The following SLC66A1 variants were observed in gnomAD, a reference collection of about 807,000 sequenced individuals.
SLC66A1 encodes solute carrier family 66 member 1.
Under a neutral mutation model 33.0 loss-of-function variants are expected in SLC66A1, and 23 were observed. The ratio of observed to expected loss-of-function variants is 0.70; its 90% CI spans 0.50 to 0.99. The LOEUF (loss-of-function observed/expected upper bound fraction) is 0.99. Among genes scored for constraint, SLC66A1 ranks in the 50% least tolerant of loss-of-function variants. The pLI, the probability that SLC66A1 is intolerant of heterozygous loss-of-function variation, is 0.00. For missense variants in SLC66A1, 335 were observed against 383.6 expected (o/e 0.87, Z 1.06); for synonymous variants, 164 against 175.5 (o/e 0.93, Z 0.52).
At chr1:19,317,461 G>C in intron 1 of SLC66A1, 139 bp from the exon 2 acceptor site, 1 of 1,134,582 alleles carries the variant, frequency 8.8e-7, no homozygotes, top group Non-Finnish European at 1.2e-6. Flanking sequence ...GGTCCTGGTG[G>C]GTGAAGATTA....
At position 19,321,036 on chromosome 1, in the gene SLC66A1, T is replaced by C. The variant is rs1329514280; in HGVS notation, c.164+3195T>C. Reference sequence around the variant, plus strand: ...CCGTCTTTTCACTTTCTTGATGGTGTCCTTTGAAGCATAAAAATTTTAAAT... The same window carrying C: ...CCGTCTTTTCACTTTCTTGATGGTGCCCTTTGAAGCATAAAAATTTTAAAT... On this transcript the variant is annotated intron_variant, in intron 2 of 7. Transcript: ENST00000375153. 6.0e-5 allele frequency among the ~76,000 whole-genome samples: 9 copies of C among 150,230 alleles called. 1 individual carries two copies. The highest frequency in any genetic ancestry group is 2.3e-4 in the African/African-American group (9 of 39,634).
chr1:19,328,336 G>A lies in SLC66A1; in HGVS notation c.805-236G>A, dbSNP rs2093880487. Among the ~76,000 whole-genome samples the A allele has an allele frequency of 6.6e-6, 1 of 152,232 alleles. No homozygotes were observed. The highest frequency in any genetic ancestry group is 6.5e-5 in the Admixed American group (1 of 15,286). ...GGGAGGCTGCCCACGGGAAGGAGAA[G>A]TCAGTGCTAGGCTTGGAGACAGATG... On this transcript the variant is annotated intron_variant, in intron 7 of 7. Coordinates refer to ENST00000375153, the MANE Select transcript of SLC66A1 (RefSeq NM_001040125.2). The surrounding 1 kb of genome is among the most constrained non-coding windows in gnomAD (Gnocchi z 4.7).
downstream of SLC66A1, among the ~76,000 whole-genome samples, chr1:19,331,705 C>G (rs906660621): frequency 2.6e-5 from 4 of 152,204 alleles, no homozygotes; most frequent in African/African-American, 7.2e-5. Flanking sequence ...GGACCTGGCT[C>G]CACACCAGTT....
intron 2 of SLC66A1, among the ~76,000 whole-genome samples, chr1:19,324,167 C>G (rs2093851203): frequency 6.6e-6 from 1 of 152,280 alleles, no homozygotes; most frequent in Admixed American, 6.5e-5. Flanking sequence ...TTGGCTACAG[C>G]TGCTCCTGGA....
intron 6 of SLC66A1, 33 bp downstream of exon 6, chr1:19,326,656 G>C (rs774807677): frequency 6.2e-7 from 1 of 1,606,460 alleles, no homozygotes; most frequent in African/African-American, 1.3e-5. Flanking sequence ...GTGGGGCCGA[G>C]TAGAGGAGAG....
At chr1:19,313,495 G>A (rs772670313) in intron 1 of SLC66A1, among the ~76,000 whole-genome samples, 3 of 152,242 alleles carry the variant, frequency 2.0e-5, no homozygotes, top group Non-Finnish European at 4.4e-5. Flanking sequence ...GCAGAGGACG[G>A]TGGTAGCGTT....
intron 2 of SLC66A1, among the ~76,000 whole-genome samples, chr1:19,323,279 G>A (rs1474239942): frequency 6.6e-6 from 1 of 152,194 alleles, no homozygotes; most frequent in East Asian, 1.9e-4. Context: ...CTGAAAGGAG[G>A]GAGGCTTGTT....
At chr1:19,315,277 T>G (rs1429350494) in intron 1 of SLC66A1, among the ~76,000 whole-genome samples, 1 of 152,220 alleles carries the variant, frequency 6.6e-6, no homozygotes, top group East Asian at 1.9e-4. Flanking sequence ...GGTGAAGGCT[T>G]CCAACATCAT....
downstream of SLC66A1, among the ~76,000 whole-genome samples, chr1:19,333,385 C>T (rs749233650): frequency 1.3e-5 from 2 of 152,128 alleles, no homozygotes; most frequent in South Asian, 2.1e-4. This position sits in a 1 kb window ranked among gnomAD's most constrained non-coding sequence, Gnocchi z 4.2. Flanking sequence ...CGCCATGTTG[C>T]CCAGCAGGCT....
chr1:19,331,812 G>A (rs181313808), downstream of SLC66A1, among the ~76,000 whole-genome samples: 1 of 152,366 alleles, frequency 6.6e-6, no homozygotes, highest in Admixed American at 6.5e-5. Context: ...GCCGGGTGGG[G>A]AAGAGTGAGA....
At chr1:19,315,612 G>C (rs2093800773) in intron 1 of SLC66A1, among the ~76,000 whole-genome samples, 1 of 152,238 alleles carries the variant, frequency 6.6e-6, no homozygotes, top group Non-Finnish European at 1.5e-5. Flanking sequence ...GGCAGCTAGA[G>C]ACAGCCCCCA....
intron 3 of SLC66A1, 112 bp from the exon 4 acceptor site, chr1:19,325,380 AGAG>A (rs778215019): frequency 8.7e-6 from 6 of 689,712 alleles, no homozygotes; most frequent in Middle Eastern, 4.0e-4. Context: ...AGAAGCTCAG[AGAG>A]GAGAAGTGAC....
chr1:19,326,375 G>C lies in SLC66A1; in HGVS notation c.513G>C (p.Glu171Asp), dbSNP rs2093866839. The C allele has an allele frequency of 6.2e-7, 1 of 1,607,080 alleles. No individual in the cohort carries two copies. Among genetic ancestry groups the C allele is most frequent in the South Asian group, 1.1e-5 (1 of 90,810 alleles). The stretch of plus-strand genomic sequence containing the variant: ...GGGGGCGGGCGCTCCTGTCCGTGGA[G>C]TCGGGCAGCAAGGTGAGGCGTGGGC... ...AFRGRALLSV[E>D]SGSKPFTRQE... The change falls in exon 5 of 8, where the codon GAG becomes GAC. Residue 171 changes from glutamate (E) to aspartate (D), a missense_variant. Transcript: ENST00000375153.
At chr1:19,313,837 G>C (rs1480036031) in intron 1 of SLC66A1, among the ~76,000 whole-genome samples, 1 of 152,206 alleles carries the variant, frequency 6.6e-6, no homozygotes, top group Admixed American at 6.5e-5. Context: ...GAAGCACCCT[G>C]ACTCAGCTTG....
At position 19,326,654 on chromosome 1, in the gene SLC66A1, G is replaced by A. The variant is rs61764959; in HGVS notation, c.618+31G>A. On this transcript the variant is annotated intron_variant, in intron 6 of 7. Coordinates refer to ENST00000375153, the MANE Select transcript of SLC66A1 (RefSeq NM_001040125.2). ...CCTCCAGCAGGGGCTGGGTGGGGCCGAGTAGAGGAGAGCTGGCCTGGCCAC... is the reference window on the plus strand; with the variant it reads ...CCTCCAGCAGGGGCTGGGTGGGGCCAAGTAGAGGAGAGCTGGCCTGGCCAC... The A allele has an allele frequency of 0.041, 66,481 of 1,606,306 alleles. 1,563 individuals carry two copies. Among genetic ancestry groups the A allele is most frequent in the African/African-American group, 0.059 (4,399 of 74,828 alleles).
chr1:19,317,754 T>A lies in SLC66A1; in HGVS notation c.77T>A (p.Leu26Ter), dbSNP rs1251875424. 3.1e-6 allele frequency: 5 copies of A among 1,614,176 alleles called. No homozygotes were observed. The highest frequency in any genetic ancestry group is 4.2e-6 in the Non-Finnish European group (5 of 1,180,040). The change falls in exon 2 of 8, where the codon TTG becomes TAG. Residue 26 changes from leucine (L) to a stop codon, truncating the protein, a stop_gained. Coordinates refer to ENST00000375153, the MANE Select transcript of SLC66A1 (RefSeq NM_001040125.2). LOFTEE classifies it high-confidence loss of function. The stretch of plus-strand genomic sequence containing the variant: ...TCCATCCAGTGGATATGGGATGTGT[T>A]GGGTGAATGTGCCCAGGACGGCTGG... ...SGSIQWIWDV[L>*]GECAQDGWDE... is the part of the protein sequence containing the mutation.
chr1:19,328,665 G>T lies in SLC66A1; in HGVS notation c.*22G>T. On this transcript the variant is annotated 3_prime_UTR_variant, in exon 8 of 8. Coordinates refer to ENST00000375153, the MANE Select transcript of SLC66A1 (RefSeq NM_001040125.2). The surrounding 1 kb of genome is among the most constrained non-coding windows in gnomAD (Gnocchi z 4.7). ...CTGACCAGAACCAGGCTGAGCGCAG[G>T]AGGACAGGCACCACCGGATGCCACA... The T allele has an allele frequency of 6.2e-7, 1 of 1,611,332 alleles. No homozygotes were observed. The highest frequency in any genetic ancestry group is 8.5e-7 in the Non-Finnish European group (1 of 1,178,536).
downstream of SLC66A1, among the ~76,000 whole-genome samples, chr1:19,331,168 C>T (rs532602888): frequency 3.3e-5 from 5 of 152,286 alleles, no homozygotes; most frequent in East Asian, 3.9e-4. Context: ...CCTGCCGCCA[C>T]GCTCAGCTAA....
chr1:19,327,657 A>G (rs1346633471), intron 7 of SLC66A1: 4 of 696,292 alleles, frequency 5.7e-6, no homozygotes. Flanking sequence ...CCAGAAGCTT[A>G]CAGCCCAGCG....
Sources: allele counts gnomAD v4.1 joint callset (sites outside exome capture counted in the v4.1 genomes callset), GRCh38; gene constraint gnomAD v4.1.1; non-coding constraint Gnocchi (gnomAD v3.1); transcripts MANE v1.5; gene names NCBI Gene and HGNC (gene_info 2026-07-23, HGNC 2026-07-21).